Variants in AGFG1 observed in about 807,000 individuals in gnomAD.
The protein encoded by AGFG1 is arf-GAP domain and FG repeat-containing protein 1.
In AGFG1, 10 loss-of-function variants were observed where a neutral mutation model predicts 60.6. That is an observed-to-expected ratio of 0.16 (90% CI 0.10 to 0.28). AGFG1 has a LOEUF of 0.28. Ranked by LOEUF, AGFG1 falls within the 10% of genes least tolerant of loss-of-function variation. The pLI is 1.00. For synonymous variants in AGFG1, 247 were observed against 242.9 expected (o/e 1.02, Z -0.16); for missense variants, 537 against 676.5 (o/e 0.79, Z 2.29).
intron 4 of AGFG1, among the ~76,000 whole-genome samples, 197 bp downstream of exon 4, chr2:227,524,122 T>A (rs774737260): frequency 6.6e-5 from 10 of 152,068 alleles, no homozygotes; most frequent in Admixed American, 1.3e-4. Flanking sequence ...ATTGCTAATA[T>A]GAGTTTCTTT....
intron 10 of AGFG1, among the ~76,000 whole-genome samples, chr2:227,548,580 A>ATGTG (rs959088844): frequency 5.9e-5 from 9 of 152,320 alleles, no homozygotes; most frequent in African/African-American, 2.2e-4. Context: ...AAATGCTGGA[A>ATGTG]TAAACACAGT....
chr2:227,473,769 A>C (rs1032165905), intron 1 of AGFG1, among the ~76,000 whole-genome samples: 2 of 152,256 alleles, frequency 1.3e-5, no homozygotes, highest in African/African-American at 4.8e-5. Flanking sequence ...AAACTTAGAA[A>C]ATGCAGAACA....
chr2:227,519,876 A>T, intron 2 of AGFG1, 72 bp from the exon 3 acceptor site: 1 of 823,496 alleles, frequency 1.2e-6, no homozygotes, highest in Non-Finnish European at 1.9e-6. Flanking sequence ...TGAAAGAATC[A>T]TAGTATCCCC....
intron 1 of AGFG1, among the ~76,000 whole-genome samples, chr2:227,474,276 TGTCCTGCTTTTACTAAACACAG>T (rs1196972535): frequency 6.6e-6 from 1 of 152,236 alleles, no homozygotes; most frequent in Non-Finnish European, 1.5e-5. Context: ...TTAAGATGTA[TGTCCTGCTTTTACTAAACACAG>T]GTCCTTTAAT....
chr2:227,475,319 T>C (rs1238694424), intron 1 of AGFG1, among the ~76,000 whole-genome samples: 1 of 152,194 alleles, frequency 6.6e-6, no homozygotes, highest in Admixed American at 6.5e-5. Context: ...TTCCCTCTGA[T>C]TGGGTTAGCT....
At chr2:227,517,085 T>C (rs915146569) in intron 2 of AGFG1, among the ~76,000 whole-genome samples, 1 of 152,192 alleles carries the variant, frequency 6.6e-6, no homozygotes, top group Non-Finnish European at 1.5e-5. Context: ...TAAAGGTCTG[T>C]AGTATTTCTG....
chr2:227,509,532 A>G (rs1430983816), intron 2 of AGFG1, among the ~76,000 whole-genome samples: 1 of 152,156 alleles, frequency 6.6e-6, no homozygotes, highest in Admixed American at 6.5e-5. Context: ...AAAAGAACGT[A>G]CTTATTTTTA....
chr2:227,558,502 AC>A lies in AGFG1; in HGVS notation c.*4009del, dbSNP rs1251597926. On this transcript the variant is annotated 3_prime_UTR_variant, in exon 13 of 13. Transcript: ENST00000310078. ...AGACTCCTATTTTGTAAAGCATTCC[AC>A]CTTTATTGATACAGTTTGTGGCCTA... The A allele has an allele frequency of 6.6e-6, 1 of 151,968 alleles. No individual in the cohort carries two copies. Among genetic ancestry groups the A allele is most frequent in the African/African-American group, 2.4e-5 (1 of 41,374 alleles). The allele number at this position is 151,968 out of a possible 1,614,324, so 9.4% of individuals were successfully genotyped here.
intron 2 of AGFG1, among the ~76,000 whole-genome samples, chr2:227,492,782 A>C (rs1026562367): frequency 2.6e-5 from 4 of 152,154 alleles, no homozygotes; most frequent in African/African-American, 9.6e-5. Context: ...ATGTGAGTAC[A>C]TTATAAGAAC....
chr2:227,554,959 A>G lies in AGFG1; in HGVS notation c.*464A>G, dbSNP rs1366086570. 6.5e-6 allele frequency: 1 copy of G among 152,848 alleles called. No homozygotes were observed. Among genetic ancestry groups the G allele is most frequent in the African/African-American group, 2.4e-5 (1 of 41,444 alleles). 9.5% of individuals were successfully genotyped at this position (152,848 alleles called of 1,614,324 possible). On this transcript the variant is annotated 3_prime_UTR_variant, in exon 13 of 13. Coordinates refer to ENST00000310078, the MANE Select transcript of AGFG1 (RefSeq NM_004504.5). Reference sequence around the variant, plus strand: ...TGCTACTGGAAAGTAACAGAGTCAAAATTGGAAGGTTTTATTCATTCTTGA... The same window carrying G: ...TGCTACTGGAAAGTAACAGAGTCAAGATTGGAAGGTTTTATTCATTCTTGA...
In AGFG1 at chr2:227,506,526, G is replaced by C. The variant is rs961429171; in HGVS notation, c.262-13422G>C. Among the ~76,000 whole-genome samples, 53 of 134,468 alleles carry C rather than the reference G, an allele frequency of 3.9e-4. 1 individual carries two copies. The highest frequency in any genetic ancestry group is 1.5e-3 in the African/African-American group (52 of 35,220). The allele number at this position is 134,468 out of a possible 152,430, so 88.2% of individuals were successfully genotyped here. Reference sequence around the variant, plus strand: ...GTGTATTTCTGTTTGAGTTTTAGCAGCCCTGCATGACTGCTTTCAAGTGAT... The same window carrying C: ...GTGTATTTCTGTTTGAGTTTTAGCACCCCTGCATGACTGCTTTCAAGTGAT... On this transcript the variant is annotated intron_variant, in intron 2 of 12. Coordinates refer to ENST00000310078, the MANE Select transcript of AGFG1 (RefSeq NM_004504.5).
intron 10 of AGFG1, chr2:227,550,118 CAATT>C (rs1448288952): frequency 1.1e-5 from 5 of 441,238 alleles, no homozygotes; most frequent in African/African-American, 1.0e-4. Context: ...TAGGTGGCCA[CAATT>C]AATATCTAGA....
At chr2:227,511,481 A>T (rs1691497208) in intron 2 of AGFG1, among the ~76,000 whole-genome samples, 1 of 152,154 alleles carries the variant, frequency 6.6e-6, no homozygotes, top group South Asian at 2.1e-4. Context: ...CTGTGTTCTA[A>T]GAAAACTTTA....
rs1450137890 is a variant in AGFG1, at chr2:227,472,449, G to A, written c.28G>A (p.Glu10Lys). The A allele has an allele frequency of 6.5e-7, 1 of 1,549,848 alleles. No individual in the cohort carries two copies. Residue 10 changes from glutamate (E) to lysine (K), a missense_variant, in exon 1 of 13, where the codon GAG (glutamate) becomes AAG (lysine). Coordinates refer to ENST00000310078, the MANE Select transcript of AGFG1 (RefSeq NM_004504.5). MAASAKRKQ[E>K]EKHLKMLRDM... ...GGCGGCCAGCGCGAAGCGGAAGCAG[G>A]AGGAGAAGCACCTGAAGATGCTGCG...
At chr2:227,553,463 T>G (rs560293295) in intron 11 of AGFG1, among the ~76,000 whole-genome samples, 2 of 146,132 alleles carry the variant, frequency 1.4e-5, no homozygotes, top group East Asian at 2.0e-4. Flanking sequence ...GCTACTGGAC[T>G]CTGGCCTGGG....
chr2:227,508,498 T>C (rs1434115519), intron 2 of AGFG1: 2 of 365,390 alleles, frequency 5.5e-6, no homozygotes, highest in East Asian at 1.5e-4. Flanking sequence ...TTCTGGAAAA[T>C]GTAAAAAATG....
rs374976277 is a variant in AGFG1, at chr2:227,534,836, C to T, written c.1025-9C>T. On this transcript the variant is annotated splice_polypyrimidine_tract_variant and intron_variant, in intron 7 of 12. Transcript: ENST00000310078. ...ATTTTTGGTGTAACTTGATTTTGTT[C>T]GTTCCCAGGTGGTGATCAGGGAAGT... 23 of 1,605,706 alleles carry T rather than the reference C, an allele frequency of 1.4e-5. No individual in the cohort carries two copies. Among genetic ancestry groups the T allele is most frequent in the South Asian group, 3.3e-5 (3 of 89,766 alleles).
At chr2:227,482,518 T>C (rs1398494280) in intron 1 of AGFG1, among the ~76,000 whole-genome samples, 1 of 152,230 alleles carries the variant, frequency 6.6e-6, no homozygotes, top group African/African-American at 2.4e-5. Context: ...ACATATGTAA[T>C]ATTTTTAGTA....
chr2:227,536,957 A>T lies in AGFG1; in HGVS notation c.1342A>T (p.Thr448Ser). 1.9e-6 allele frequency: 3 copies of T among 1,613,172 alleles called. No homozygotes were observed. The African/African-American group carries it at 4.0e-5, about 21-fold the overall frequency. The stretch of plus-strand genomic sequence containing the variant: ...TGCTGGTCCTTCTGTGGCATCTTCT[A>T]CAAACCCATTTCAGACCAATGCCAG... ...AAAGPSVASSTNPFQTNARGA... is the reference protein window; with the variant it reads ...AAAGPSVASSSNPFQTNARGA... The change falls in exon 10 of 13, where the codon ACA becomes TCA. Residue 448 changes from threonine to serine, a missense_variant. By Grantham distance (58) the Thr-to-Ser change is moderately conservative. Transcript: ENST00000310078.
Sources: allele counts gnomAD v4.1 joint callset (sites outside exome capture counted in the v4.1 genomes callset), GRCh38; gene constraint gnomAD v4.1.1; transcripts MANE v1.5; gene names NCBI Gene and HGNC (gene_info 2026-07-23, HGNC 2026-07-21).